SPTLC1: variants seen among roughly 807,000 people sequenced by gnomAD.
SPTLC1 encodes the protein serine palmitoyltransferase 1.
In SPTLC1, 55 loss-of-function variants were observed where a neutral mutation model predicts 68.9. The ratio of observed to expected loss-of-function variants is 0.80; its 90% CI spans 0.64 to 1.00. The LOEUF is 1.00. Among genes scored for constraint, SPTLC1 ranks in the 50% least tolerant of loss-of-function variants. SPTLC1 has a pLI of 0.00. For missense variants in SPTLC1, 449 were observed against 573.1 expected (o/e 0.78, Z 2.21); for synonymous variants, 197 against 201.6 (o/e 0.98, Z 0.19).
chr9:92,084,849 C>T (rs1835047394), intron 3 of SPTLC1, among the ~76,000 whole-genome samples: 2 of 152,096 alleles, frequency 1.3e-5, no homozygotes, highest in East Asian at 1.9e-4. Context: ...TGGTAGAATT[C>T]GGCTGTGAAT....
chr9:92,092,607 C>T (rs1331777013), intron 3 of SPTLC1, among the ~76,000 whole-genome samples: 8 of 152,080 alleles, frequency 5.3e-5, no homozygotes, highest in Non-Finnish European at 1.0e-4. Context: ...TGGTGGCACA[C>T]ACCTGTAGTT....
chr9:92,046,126 A>C, intron 11 of SPTLC1, 73 bp from the exon 12 acceptor site: 2 of 1,242,964 alleles, frequency 1.6e-6, no homozygotes, highest in Non-Finnish European at 2.3e-6. Flanking sequence ...ATTTTTGAAG[A>C]CCCAGATCAA....
chr9:92,115,099 C>A (rs1025785703), intron 1 of SPTLC1: 8 of 601,156 alleles, frequency 1.3e-5, no homozygotes, highest in Non-Finnish European at 2.1e-5. Flanking sequence ...AGAATTCAAA[C>A]CGAGACCCTC....
chr9:92,111,127 T>C (rs1587624336), intron 2 of SPTLC1: 1 of 152,280 alleles, frequency 6.6e-6, no homozygotes, highest in South Asian at 2.1e-4. Flanking sequence ...ATCACCCTTA[T>C]GGAAAAAAAC....
chr9:92,086,386 G>A (rs918790763), intron 3 of SPTLC1, among the ~76,000 whole-genome samples: 5 of 152,158 alleles, frequency 3.3e-5, no homozygotes, highest in Admixed American at 2.6e-4. Context: ...GGTACCGGTT[G>A]TTCCTTTCCA....
intron 6 of SPTLC1, among the ~76,000 whole-genome samples, chr9:92,066,952 C>G (rs1834306172): frequency 6.6e-6 from 1 of 151,586 alleles, no homozygotes; most frequent in African/African-American, 2.4e-5. Flanking sequence ...TGCACTTCAG[C>G]CTGGGCGACA....
chr9:92,046,153 T>C (rs1833506902), intron 11 of SPTLC1, 100 bp from the exon 12 acceptor site: 3 of 1,018,876 alleles, frequency 2.9e-6, no homozygotes, highest in Non-Finnish European at 4.5e-6. Context: ...CAATTTAAAA[T>C]GCTACAAATC....
At chr9:92,074,819 T>A (rs893292030) in intron 5 of SPTLC1, among the ~76,000 whole-genome samples, 1 of 152,070 alleles carries the variant, frequency 6.6e-6, no homozygotes, top group African/African-American at 2.4e-5. Flanking sequence ...TACTCTCCTA[T>A]CCTCAATACC....
chr9:92,112,411 A>G, intron 2 of SPTLC1, 44 bp downstream of exon 2: 1 of 1,355,964 alleles, frequency 7.4e-7, no homozygotes, highest in Non-Finnish European at 1.1e-6. Context: ...CATAGCAACT[A>G]TAATCACATA....
At position 92,050,146 on chromosome 9, in the gene SPTLC1, A is replaced by G. The variant is rs904036397; in HGVS notation, c.781-79T>C. On this transcript the variant is annotated intron_variant, in intron 8 of 14. Coordinates refer to ENST00000262554, the MANE Select transcript of SPTLC1 (RefSeq NM_006415.4). ...TTATGGAGAAAAAAATTAAGATTAAAAAGTATGTACAGCTGACTCTCAATA... is the reference window on the plus strand; with the variant it reads ...TTATGGAGAAAAAAATTAAGATTAAGAAGTATGTACAGCTGACTCTCAATA... The G allele has an allele frequency of 1.9e-4, 180 of 926,702 alleles. 2 individuals carry two copies. In the South Asian group the frequency reaches 2.2e-3, roughly 11 times the overall value. 57.4% of individuals were successfully genotyped at this position (926,702 alleles called of 1,614,324 possible).
Position 92,094,050 on chromosome 9 carries a change from G to T in SPTLC1, c.261-13087C>A, listed in dbSNP as rs536141038. On this transcript the variant is annotated intron_variant, in intron 3 of 14. Coordinates refer to ENST00000262554, the MANE Select transcript of SPTLC1 (RefSeq NM_006415.4). ...TCCAGCCATATTAAAAATCTAAAAG[G>T]TATTTTAGAAAAGATAACAAAATGT... Among the ~76,000 whole-genome samples the T allele has an allele frequency of 9.9e-5, 15 of 152,246 alleles. No homozygotes were observed. The South Asian group carries it at 3.1e-3, about 32-fold the overall frequency.
Position 92,080,012 on chromosome 9 carries a change from T to C in SPTLC1, c.427+4A>G, listed in dbSNP as rs778568258. The C allele has an allele frequency of 1.2e-6, 2 of 1,612,142 alleles. No homozygotes were observed. Among genetic ancestry groups the C allele is most frequent in the African/African-American group, 1.4e-5 (1 of 74,050 alleles). Reference sequence around the variant, plus strand: ...GTCTCAAAGAGAACACAACAAAAACTTACCAAATGTGCCATAAAATCCTCT... The same window carrying C: ...GTCTCAAAGAGAACACAACAAAAACCTACCAAATGTGCCATAAAATCCTCT... On this transcript the variant is annotated splice_donor_region_variant and intron_variant, in intron 5 of 14. Coordinates refer to ENST00000262554, the MANE Select transcript of SPTLC1 (RefSeq NM_006415.4).
chr9:92,041,263 A>G (rs546684155), intron 12 of SPTLC1, among the ~76,000 whole-genome samples: 30 of 152,328 alleles, frequency 2.0e-4, no homozygotes, highest in African/African-American at 7.2e-4. Flanking sequence ...ATTACTCAGA[A>G]CTAAACATTG....
At chr9:92,058,657 T>C (rs1833976431) in intron 7 of SPTLC1, among the ~76,000 whole-genome samples, 1 of 152,104 alleles carries the variant, frequency 6.6e-6, no homozygotes, top group Non-Finnish European at 1.5e-5. Flanking sequence ...AAGGAGACCA[T>C]GTTAGGGGCA....
chr9:92,086,346 T>C (rs1168479660), intron 3 of SPTLC1, among the ~76,000 whole-genome samples: 1 of 152,256 alleles, frequency 6.6e-6, no homozygotes, highest in Non-Finnish European at 1.5e-5. Flanking sequence ...CTGGATGGTC[T>C]TTACATTTTG....
chr9:92,106,423 G>A (rs560022405), intron 3 of SPTLC1, among the ~76,000 whole-genome samples: 22 of 146,226 alleles, frequency 1.5e-4, no homozygotes, highest in South Asian at 8.6e-4. Context: ...GCAGTGAGCC[G>A]AGATCGCACC....
chr9:92,060,640 C>T (rs898970405), intron 6 of SPTLC1, among the ~76,000 whole-genome samples: 19 of 152,014 alleles, frequency 1.2e-4, no homozygotes, highest in Non-Finnish European at 2.6e-4. Context: ...GGCGCAGTGG[C>T]CCATGCCTGT....
chr9:92,096,772 A>G (rs1275272317), intron 3 of SPTLC1, among the ~76,000 whole-genome samples: 1 of 152,250 alleles, frequency 6.6e-6, no homozygotes, highest in Non-Finnish European at 1.5e-5. Flanking sequence ...AGATTAAGCC[A>G]AAGTTTTTAC....
At chr9:92,089,512 ATAGAT>A (rs565295274) in intron 3 of SPTLC1, among the ~76,000 whole-genome samples, 1 of 152,344 alleles carries the variant, frequency 6.6e-6, no homozygotes, top group African/African-American at 2.4e-5. Context: ...AATCTAAAAG[ATAGAT>A]TAAATACCCC....
Sources: allele counts gnomAD v4.1 joint callset (sites outside exome capture counted in the v4.1 genomes callset), GRCh38; gene constraint gnomAD v4.1.1; transcripts MANE v1.5; gene names NCBI Gene and HGNC (gene_info 2026-07-23, HGNC 2026-07-21).